FBXL7: variants seen among roughly 807,000 people sequenced by gnomAD.
FBXL7 encodes F-box and leucine rich repeat protein 7.
Under a neutral mutation model 38.3 loss-of-function variants are expected in FBXL7, and 12 were observed. The ratio of observed to expected loss-of-function variants is 0.31; its 90% CI spans 0.20 to 0.51. The LOEUF (loss-of-function observed/expected upper bound fraction) is 0.51, where lower values mean the gene tolerates loss of function less well. Ranked by LOEUF, FBXL7 falls within the 20% of genes least tolerant of loss-of-function variation. FBXL7 has a pLI of 0.98. For synonymous variants in FBXL7, 297 were observed against 300.9 expected (o/e 0.99, Z 0.13); for missense variants, 567 against 676.4 (o/e 0.84, Z 1.79).
chr5:15,648,033 G>A (rs1191399876), intron 2 of FBXL7, among the ~76,000 whole-genome samples: 4 of 152,160 alleles, frequency 2.6e-5, no homozygotes, highest in South Asian at 2.1e-4. Context: ...AACACTTGCC[G>A]CCAGCACACA....
At chr5:15,821,120 G>C (rs1738158719) in intron 2 of FBXL7, among the ~76,000 whole-genome samples, 1 of 152,164 alleles carries the variant, frequency 6.6e-6, no homozygotes, top group Non-Finnish European at 1.5e-5. Context: ...CCAGTAAATG[G>C]TTTGTTAGAT....
At chr5:15,506,818 A>C (rs1347847971) in intron 1 of FBXL7, among the ~76,000 whole-genome samples, 1 of 151,788 alleles carries the variant, frequency 6.6e-6, no homozygotes, top group Non-Finnish European at 1.5e-5. Context: ...CCACCTCCAA[A>C]TGCTATCACG....
chr5:15,531,495 A>G (rs1737430574), intron 1 of FBXL7, among the ~76,000 whole-genome samples: 1 of 152,220 alleles, frequency 6.6e-6, no homozygotes, highest in Non-Finnish European at 1.5e-5. Flanking sequence ...CCTGAGAGAC[A>G]GCAAGCTGAG....
chr5:15,859,802 C>G (rs1339718235), intron 2 of FBXL7, among the ~76,000 whole-genome samples: 1 of 152,030 alleles, frequency 6.6e-6, no homozygotes, highest in Non-Finnish European at 1.5e-5. Flanking sequence ...TGTCACCACT[C>G]AAGATATCAA....
At chr5:15,843,323 C>G (rs1017921365) in intron 2 of FBXL7, among the ~76,000 whole-genome samples, 11 of 152,198 alleles carry the variant, frequency 7.2e-5, no homozygotes, top group Non-Finnish European at 1.3e-4. Context: ...AGCACACACA[C>G]ACATTTGCTT....
At chr5:15,748,542 A>T (rs1430652334) in intron 2 of FBXL7, among the ~76,000 whole-genome samples, 1 of 152,160 alleles carries the variant, frequency 6.6e-6, no homozygotes, top group African/African-American at 2.4e-5. Flanking sequence ...CTTGCCTGAC[A>T]CCATGTGTTT....
Position 15,735,117 on chromosome 5 carries a change from GA to G in FBXL7, c.127+119048del, listed in dbSNP as rs551991594. Among the ~76,000 whole-genome samples, 541 of 152,260 alleles carry G rather than the reference GA, an allele frequency of 3.6e-3. 5 individuals carry two copies. Among genetic ancestry groups the G allele is most frequent in the South Asian group, 0.029 (139 of 4,830 alleles). On this transcript the variant is annotated intron_variant, in intron 2 of 3. Coordinates refer to ENST00000504595, the MANE Select transcript of FBXL7 (RefSeq NM_012304.5). ...CGGCTAATTTTTTGTATTTTTAGTA[GA>G]AACAGAGTTTCACCATGTTAGCCAG...
chr5:15,647,515 A>G (rs1369083422), intron 2 of FBXL7, among the ~76,000 whole-genome samples: 1 of 152,210 alleles, frequency 6.6e-6, no homozygotes, highest in East Asian at 1.9e-4. Context: ...TTTGATGGCT[A>G]GGGGAGTGGA....
At chr5:15,556,384 C>G (rs1298520964) in intron 1 of FBXL7, among the ~76,000 whole-genome samples, 2 of 152,104 alleles carry the variant, frequency 1.3e-5, no homozygotes, top group Non-Finnish European at 2.9e-5. Flanking sequence ...CAGGCCCTCC[C>G]CCAGTTGGAT....
At position 15,713,398 on chromosome 5, in the gene FBXL7, G is replaced by T. The variant is rs546817786; in HGVS notation, c.127+97326G>T. On this transcript the variant is annotated intron_variant, in intron 2 of 3. Coordinates refer to ENST00000504595, the MANE Select transcript of FBXL7 (RefSeq NM_012304.5). ...TACAATTCAAGATGAGATTTGGGTG[G>T]GGACACAGCCAAACCATATCATCCC... 4.6e-5 allele frequency among the ~76,000 whole-genome samples: 7 copies of T among 152,196 alleles called. No individual in the cohort carries two copies. In the East Asian group the frequency reaches 1.4e-3, roughly 29 times the overall value.
chr5:15,792,861 C>G (rs1579466968), intron 2 of FBXL7, among the ~76,000 whole-genome samples: 1 of 152,184 alleles, frequency 6.6e-6, no homozygotes, highest in African/African-American at 2.4e-5. Context: ...GATGCTCACA[C>G]CAGTGGGGTT....
chr5:15,518,080 T>C (rs1245201879), intron 1 of FBXL7, among the ~76,000 whole-genome samples: 1 of 152,144 alleles, frequency 6.6e-6, no homozygotes, highest in African/African-American at 2.4e-5. Flanking sequence ...AACCTCTGCC[T>C]CCTGAGTTCA....
intron 2 of FBXL7, among the ~76,000 whole-genome samples, chr5:15,815,823 T>C (rs1204759724): frequency 6.6e-6 from 1 of 152,184 alleles, no homozygotes; most frequent in African/African-American, 2.4e-5. Context: ...TGATAACCAA[T>C]GGCTATATTT....
chr5:15,737,462 G>C lies in FBXL7; in HGVS notation c.127+121390G>C, dbSNP rs73070568. ...CCAAATAATTATTTGAAATTAAAAAGAAGTAAACCGGTAGAATAGTGACTA... is the reference window on the plus strand; with the variant it reads ...CCAAATAATTATTTGAAATTAAAAACAAGTAAACCGGTAGAATAGTGACTA... On this transcript the variant is annotated intron_variant, in intron 2 of 3. Coordinates refer to ENST00000504595, the MANE Select transcript of FBXL7 (RefSeq NM_012304.5). 6.7e-3 allele frequency among the ~76,000 whole-genome samples: 1,014 copies of C among 152,252 alleles called. 13 individuals are homozygous for C. The highest frequency in any genetic ancestry group is 0.023 in the African/African-American group (960 of 41,550).
intron 2 of FBXL7, among the ~76,000 whole-genome samples, chr5:15,858,476 G>A (rs930055143): frequency 1.4e-4 from 22 of 152,108 alleles, no homozygotes; most frequent in Non-Finnish European, 2.8e-4. Context: ...TCTGTGGTGG[G>A]ATCTGAGAAC....
chr5:15,693,545 C>A (rs1048017228), intron 2 of FBXL7, among the ~76,000 whole-genome samples: 1 of 152,140 alleles, frequency 6.6e-6, no homozygotes, highest in African/African-American at 2.4e-5. Flanking sequence ...GCCCATGGAC[C>A]TAAGTGAGAA....
chr5:15,806,073 T>C (rs1171073261), intron 2 of FBXL7, among the ~76,000 whole-genome samples: 1 of 152,322 alleles, frequency 6.6e-6, no homozygotes, highest in African/African-American at 2.4e-5. Context: ...AATCCAACCC[T>C]ATAATTTATG....
intron 1 of FBXL7, among the ~76,000 whole-genome samples, chr5:15,547,857 C>T (rs939191332): frequency 3.3e-5 from 5 of 152,180 alleles, no homozygotes; most frequent in East Asian, 3.8e-4. Flanking sequence ...ACTAAGTCCA[C>T]GGTTACCTGG....
intron 1 of FBXL7, among the ~76,000 whole-genome samples, chr5:15,530,966 A>C (rs771615225): frequency 2.0e-5 from 3 of 152,180 alleles, no homozygotes; most frequent in Non-Finnish European, 4.4e-5. Context: ...ACATTCTTAG[A>C]ATAAACTTAC....
Sources: gnomAD v4.1 joint callset for allele counts (sites outside exome capture counted in the v4.1 genomes callset) on GRCh38, gnomAD v4.1.1 for gene constraint, MANE v1.5 for transcripts, NCBI Gene and HGNC (gene_info 2026-07-23, HGNC 2026-07-21) for gene names.